Variants in TCF4 observed in about 807,000 individuals in gnomAD.
TCF4 encodes transcription factor 4, also known as SL3-3 enhancer factor 2.
Under a neutral mutation model 82.1 loss-of-function variants are expected in TCF4, and 3 were observed. The ratio of observed to expected loss-of-function variants is 0.04; its 90% CI spans 0.02 to 0.09. The LOEUF is 0.09. TCF4 is among the 10% of genes least tolerant of loss of function. The probability of loss-of-function intolerance (pLI) is 1.00; values close to 1 mark genes in which losing one functional copy is unlikely to be tolerated. For synonymous variants in TCF4, 276 were observed against 309.6 expected, an observed-to-expected ratio of 0.89 and a Z score of 1.14; for missense variants, 518 against 852.7, an observed-to-expected ratio of 0.61 and a Z score of 4.89.
intron 5 of TCF4, among the ~76,000 whole-genome samples, chr18:55,433,867 C>T (rs560570443): frequency 2.0e-5 from 3 of 152,060 alleles, no homozygotes; most frequent in Non-Finnish European, 4.4e-5. Context: ...CCCTTATGTG[C>T]CCAATCATCC....
upstream of TCF4, chr18:55,589,608 TCAAA>T (rs1894064476): frequency 1.9e-6 from 2 of 1,044,792 alleles, no homozygotes; most frequent in South Asian, 4.6e-5. Context: ...TAATTTTTCC[TCAAA>T]CAATTCTTGT....
intron 5 of TCF4, among the ~76,000 whole-genome samples, chr18:55,438,843 G>T (rs922931012): frequency 1.3e-5 from 2 of 152,216 alleles, no homozygotes; most frequent in Non-Finnish European, 2.9e-5. Context: ...CCGAAGTGAA[G>T]CTCCCTCCTC....
chr18:55,627,450 G>A (rs961503221), intron 2 of TCF4, among the ~76,000 whole-genome samples: 1 of 152,094 alleles, frequency 6.6e-6, no homozygotes, highest in Non-Finnish European at 1.5e-5. Flanking sequence ...CAGTGGCCAC[G>A]TGTATTCAGA....
intron 8 of TCF4, among the ~76,000 whole-genome samples, chr18:55,291,666 A>C (rs2065124197): frequency 6.6e-6 from 1 of 152,156 alleles, no homozygotes; most frequent in Non-Finnish European, 1.5e-5. Context: ...ATCTATGTCC[A>C]ATCAGCTGCT....
intron 3 of TCF4, among the ~76,000 whole-genome samples, chr18:55,566,758 A>G (rs146221705): frequency 6.6e-6 from 1 of 152,336 alleles, no homozygotes; most frequent in Non-Finnish European, 1.5e-5. Context: ...AAGAAGGTCA[A>G]GCACACATGT....
intron 8 of TCF4, among the ~76,000 whole-genome samples, chr18:55,281,968 T>TGAA (rs1292456027): frequency 1.3e-5 from 2 of 152,030 alleles, no homozygotes; most frequent in Non-Finnish European, 2.9e-5. Context: ...TTTAGCCAAT[T>TGAA]GAAGACTTTT....
intron 8 of TCF4, among the ~76,000 whole-genome samples, chr18:55,304,926 A>C (rs1018263699): frequency 1.3e-5 from 2 of 152,174 alleles, no homozygotes; most frequent in African/African-American, 4.8e-5. Context: ...ATAAACCAAT[A>C]ATTGCATATT....
intron 3 of TCF4, among the ~76,000 whole-genome samples, chr18:55,470,578 C>A (rs2096152492): frequency 6.6e-6 from 1 of 152,150 alleles, no homozygotes; most frequent in East Asian, 1.9e-4. Flanking sequence ...AGAACACAGA[C>A]TAAATACCAT....
intron 9 of TCF4, among the ~76,000 whole-genome samples, chr18:55,277,463 A>G (rs977540682): frequency 3.9e-5 from 6 of 152,212 alleles, no homozygotes; most frequent in Non-Finnish European, 7.3e-5. Context: ...TTATAAAAAT[A>G]CATATTTTAC....
intron 8 of TCF4, among the ~76,000 whole-genome samples, chr18:55,282,245 C>G (rs1018464758): frequency 6.6e-6 from 1 of 151,948 alleles, no homozygotes; most frequent in Non-Finnish European, 1.5e-5. Context: ...AATTTTAGTT[C>G]AACCTCCCAC....
At chr18:55,505,571 G>A (rs1190959568) in intron 3 of TCF4, among the ~76,000 whole-genome samples, 1 of 151,778 alleles carries the variant, frequency 6.6e-6, no homozygotes, top group Non-Finnish European at 1.5e-5. Context: ...TTGGAAGGCC[G>A]AGGCGGGCGG....
intron 5 of TCF4, among the ~76,000 whole-genome samples, chr18:55,426,541 T>C (rs1489036712): frequency 1.3e-5 from 2 of 152,218 alleles, no homozygotes; most frequent in Non-Finnish European, 2.9e-5. Context: ...TTTCATCCTT[T>C]GCTGCCCATA....
chr18:55,586,826 C>T (rs1306563027), intron 2 of TCF4: 1 of 503,814 alleles, frequency 2.0e-6, no homozygotes, highest in African/African-American at 2.0e-5. Flanking sequence ...GAATTGAAGG[C>T]CAGTAATAAA....
intron 3 of TCF4, among the ~76,000 whole-genome samples, chr18:55,561,158 C>T (rs994702453): frequency 1.4e-4 from 21 of 152,344 alleles, no homozygotes; most frequent in African/African-American, 5.0e-4. Flanking sequence ...AGAATCCCTA[C>T]TCATCCTTCA....
At chr18:55,563,989 A>C (rs565307997) in intron 3 of TCF4, among the ~76,000 whole-genome samples, 1 of 152,342 alleles carries the variant, frequency 6.6e-6, no homozygotes, top group South Asian at 2.1e-4. Flanking sequence ...TTCTATTCAA[A>C]ATATGTATGT....
At chr18:55,612,399 G>A (rs1459448620) in intron 2 of TCF4, among the ~76,000 whole-genome samples, 2 of 152,030 alleles carry the variant, frequency 1.3e-5, no homozygotes, top group African/African-American at 4.8e-5. Flanking sequence ...ATTCCATATC[G>A]TGTTTGTTGC....
intron 8 of TCF4, among the ~76,000 whole-genome samples, chr18:55,288,812 G>A (rs916765051): frequency 1.3e-5 from 2 of 152,230 alleles, no homozygotes; most frequent in African/African-American, 4.8e-5. Context: ...GAGAGGCTAA[G>A]TAACCGGCTG....
At chr18:55,557,888 C>T (rs535469215) in intron 3 of TCF4, among the ~76,000 whole-genome samples, 1 of 152,178 alleles carries the variant, frequency 6.6e-6, no homozygotes, top group Admixed American at 6.5e-5. Context: ...CATGTCCAGA[C>T]TGAAGTAATC....
At chr18:55,370,394 G>A (rs1335858124) in intron 6 of TCF4, among the ~76,000 whole-genome samples, 1 of 151,622 alleles carries the variant, frequency 6.6e-6, no homozygotes, top group Admixed American at 6.6e-5. Context: ...CAGTACATAG[G>A]TAGGTAGGTA....
Sources: allele counts gnomAD v4.1 joint callset (sites outside exome capture counted in the v4.1 genomes callset), GRCh38; gene constraint gnomAD v4.1.1; transcripts MANE v1.5; gene names NCBI Gene and HGNC (gene_info 2026-07-23, HGNC 2026-07-21).